The following AMER1 variants were observed in gnomAD, a reference collection of about 807,000 sequenced individuals.
The protein encoded by AMER1 is RP11-403E24.2.
AMER1 carries 16 observed loss-of-function variants against 53.0 expected under a neutral mutation model. That is an observed-to-expected ratio of 0.30 (90% confidence interval 0.20 to 0.46). AMER1 has a LOEUF of 0.46. AMER1 is among the 20% of genes least tolerant of loss of function. The pLI, the probability that AMER1 is intolerant of heterozygous loss-of-function variation, is 1.00. For synonymous variants in AMER1, 354 were observed against 331.9 expected (o/e 1.07, Z -0.73); for missense variants, 947 against 884.9 (o/e 1.07, Z -0.89).
chrX:64,195,209 C>T (rs1238410690), intron 1 of AMER1, among the ~76,000 whole-genome samples: 3 of 111,836 alleles, frequency 2.7e-5, no homozygotes, highest in Non-Finnish European at 3.8e-5. Flanking sequence ...CAGTTTTCTG[C>T]CCCTGGGTCT....
rs769608759 is a variant in AMER1 at position 64,191,947 on chromosome X, C to T, written c.1340G>A (p.Gly447Asp). 12 of 1,209,822 alleles carry T rather than the reference C, an allele frequency of 9.9e-6. No homozygotes were observed. The South Asian group carries it at 1.9e-4, about 20-fold the overall frequency. ...AGTCAAAAGTTCCCCAGGGGCTAGGCCAGGATAAGACCTAACTGGGTCAAG... is the reference window on the plus strand; with the variant it reads ...AGTCAAAAGTTCCCCAGGGGCTAGGTCAGGATAAGACCTAACTGGGTCAAG... ...MLLDPVRSYPGLAPGELLTPQ... is the reference protein window; with the variant it reads ...MLLDPVRSYPDLAPGELLTPQ... Residue 447 changes from glycine to aspartate, a missense_variant, in exon 2 of 2, where the codon GGC (glycine) becomes GAC (aspartate). By Grantham distance (94) the Gly-to-Asp change is moderately conservative (BLOSUM62 -1). Transcript: ENST00000374869.
rs973480721 is a variant in AMER1, at chrX:64,188,918, G to A, written c.*961C>T. 1.2e-6 allele frequency: 1 copy of A among 807,031 alleles called. No individual in the cohort carries two copies. Among genetic ancestry groups the A allele is most frequent in the East Asian group, 6.9e-5 (1 of 14,401 alleles). The allele number at this position is 807,031 out of a possible 1,213,427, so 66.5% of individuals were successfully genotyped here. The stretch of plus-strand genomic sequence containing the variant: ...TGAAAATTTCCTTTAGAGGAAAAAA[G>A]AACAAAAATTCAAAAGCATCTGCAA... On this transcript the variant is annotated 3_prime_UTR_variant, in exon 2 of 2. Transcript: ENST00000374869.
chrX:64,187,551 T>C lies in AMER1; in HGVS notation c.*2328A>G. 1 of 778,641 alleles carries C rather than the reference T, an allele frequency of 1.3e-6. No homozygotes were observed. Among genetic ancestry groups the C allele is most frequent in the Non-Finnish European group, 1.5e-6 (1 of 653,332 alleles). 64.2% of individuals were successfully genotyped at this position (778,641 alleles called of 1,213,427 possible). Reference sequence around the variant, plus strand: ...AAAGGTTGGCCACCTCCTTTTTCTCTTCCCAGATAGGCTGGTGGCCCTTCT... The same window carrying C: ...AAAGGTTGGCCACCTCCTTTTTCTCCTCCCAGATAGGCTGGTGGCCCTTCT... On this transcript the variant is annotated 3_prime_UTR_variant, in exon 2 of 2. Transcript: ENST00000374869.
At position 64,186,371 on chromosome X, in the gene AMER1, A is replaced by ACAT. The variant is rs1222429922; in HGVS notation, c.*3505_*3507dup. On this transcript the variant is annotated 3_prime_UTR_variant, in exon 2 of 2. Coordinates refer to ENST00000374869, the MANE Select transcript of AMER1 (RefSeq NM_152424.4). The stretch of plus-strand genomic sequence containing the variant: ...TAAATCAGAAAAGAACAATTGATAA[A>ACAT]CATTGTTTTCCATGAATATAAAATG... 4 of 905,800 alleles carry ACAT rather than the reference A, an allele frequency of 4.4e-6. No individual in the cohort carries two copies. Among genetic ancestry groups the ACAT allele is most frequent in the Non-Finnish European group, 5.5e-6 (4 of 727,954 alleles). 74.6% of individuals were successfully genotyped at this position (905,800 alleles called of 1,213,427 possible).
At position 64,189,538 on chromosome X, in the gene AMER1, A is replaced by AT. The variant is rs10628043; in HGVS notation, c.*340dup. On this transcript the variant is annotated 3_prime_UTR_variant, in exon 2 of 2. Coordinates refer to ENST00000374869, the MANE Select transcript of AMER1 (RefSeq NM_152424.4). ...TGTATATATATATATATATATATATATATATATATATATATATATAATCAC... is the reference window on the plus strand; with the variant it reads ...TGTATATATATATATATATATATATATTATATATATATATATATATAATCAC... 3,035 of 111,334 alleles carry AT rather than the reference A, an allele frequency of 0.027. 270 individuals are homozygous for AT. Among genetic ancestry groups the AT allele is most frequent in the African/African-American group, 0.22 (2,721 of 12,632 alleles). 9.2% of individuals were successfully genotyped at this position (111,334 alleles called of 1,213,427 possible).
rs1930097644 is a variant in AMER1, at chrX:64,186,005, A to G, written c.*3874T>C. On this transcript the variant is annotated 3_prime_UTR_variant, in exon 2 of 2. Coordinates refer to ENST00000374869, the MANE Select transcript of AMER1 (RefSeq NM_152424.4). Reference sequence around the variant, plus strand: ...TGATTTCAAAACTAAAGCACAAAACATAACGAGGAAAAAAAATAAGACACA... The same window carrying G: ...TGATTTCAAAACTAAAGCACAAAACGTAACGAGGAAAAAAAATAAGACACA... 5.8e-6 allele frequency: 4 copies of G among 694,930 alleles called. No individual in the cohort carries two copies. The highest frequency in any genetic ancestry group is 6.6e-5 in the Admixed American group (2 of 30,106). The allele number at this position is 694,930 out of a possible 1,213,427, so 57.3% of individuals were successfully genotyped here.
chrX:64,189,512 G>GTGTGTGTGTGTA lies in AMER1; in HGVS notation c.*366_*367insTACACACACACA, dbSNP rs1930185025. The GTGTGTGTGTGTA allele has an allele frequency of 1.2e-5, 1 of 86,442 alleles. No individual in the cohort carries two copies. Among genetic ancestry groups the GTGTGTGTGTGTA allele is most frequent in the African/African-American group, 1.5e-4 (1 of 6,588 alleles). The allele number at this position is 86,442 out of a possible 1,213,427, so 7.1% of individuals were successfully genotyped here. A position where few individuals can be genotyped will look rare whatever the true frequency, so the allele number is the denominator to read the frequency against. On this transcript the variant is annotated 3_prime_UTR_variant, in exon 2 of 2. Transcript: ENST00000374869. ...TGTGTGTGTGTGTGTGTGTGTGTGT[G>GTGTGTGTGTGTA]TGTATATATATATATATATATATAT...
rs778363299 is a variant in AMER1, at chrX:64,190,721, T to C, written c.2566A>G (p.Ser856Gly). The change falls in exon 2 of 2, where the codon AGT becomes GGT. Residue 856 changes from serine to glycine, a missense_variant. By Grantham distance (56) the Ser-to-Gly change is moderately conservative. Coordinates refer to ENST00000374869, the MANE Select transcript of AMER1 (RefSeq NM_152424.4). ...CAGGGCAGGCCTTGGTAGAATCGAC[T>C]ATGGTAGTTGTTGAAGGCATGTTTG... ...YHKHAFNNYH[S>G]RFYQGLPWGV... 1 of 1,207,818 alleles carries C rather than the reference T, an allele frequency of 8.3e-7. No individual in the cohort carries two copies. The highest frequency in any genetic ancestry group is 1.8e-5 in the South Asian group (1 of 56,145).
At chrX:64,200,404 T>G (rs888253062) in intron 1 of AMER1, among the ~76,000 whole-genome samples, 1 of 112,023 alleles carries the variant, frequency 8.9e-6, no homozygotes, top group African/African-American at 3.3e-5. Flanking sequence ...ATGCCCTGTG[T>G]GAGAAACCAA....
In AMER1 at chrX:64,186,055, A is replaced by G; in HGVS notation, c.*3824T>C. The G allele has an allele frequency of 9.4e-7, 1 of 1,061,439 alleles. No homozygotes were observed. Among genetic ancestry groups the G allele is most frequent in the East Asian group, 3.1e-5 (1 of 32,686 alleles). 87.5% of individuals were successfully genotyped at this position (1,061,439 alleles called of 1,213,427 possible). A position where few individuals can be genotyped will look rare whatever the true frequency, so the allele number is the denominator to read the frequency against. Reference sequence around the variant, plus strand: ...ATGAGTACTCTCAGAGGGTCTAGACATGGGGAAGAAGGGTTCAAAAGAAAG... The same window carrying G: ...ATGAGTACTCTCAGAGGGTCTAGACGTGGGGAAGAAGGGTTCAAAAGAAAG... On this transcript the variant is annotated 3_prime_UTR_variant, in exon 2 of 2. Transcript: ENST00000374869.
At chrX:64,197,557 G>A (rs1904644661) in intron 1 of AMER1, among the ~76,000 whole-genome samples, 1 of 112,990 alleles carries the variant, frequency 8.9e-6, no homozygotes, top group African/African-American at 3.2e-5. Flanking sequence ...CTGAATTGGG[G>A]GAAGAAAAAG....
rs1205241247 is a variant in AMER1, at chrX:64,189,514, G to GTGTGTGTGTGTGTATA, written c.*364_*365insTATACACACACACACA. ...TGTGTGTGTGTGTGTGTGTGTGTGT[G>GTGTGTGTGTGTGTATA]TATATATATATATATATATATATAT... On this transcript the variant is annotated 3_prime_UTR_variant, in exon 2 of 2. Coordinates refer to ENST00000374869, the MANE Select transcript of AMER1 (RefSeq NM_152424.4). 2 of 28,064 alleles carry GTGTGTGTGTGTGTATA rather than the reference G, an allele frequency of 7.1e-5. No individual in the cohort carries two copies. The highest frequency in any genetic ancestry group is 3.4e-4 in the African/African-American group (2 of 5,953). 2.3% of individuals were successfully genotyped at this position (28,064 alleles called of 1,213,427 possible). A position where few individuals can be genotyped will look rare whatever the true frequency, so the allele number is the denominator to read the frequency against.
chrX:64,197,142 G>A (rs1930389019), intron 1 of AMER1, among the ~76,000 whole-genome samples: 1 of 112,717 alleles, frequency 8.9e-6, no homozygotes, highest in Non-Finnish European at 1.9e-5. Flanking sequence ...TCAAGAAAGT[G>A]GCACTGCCAA....
At position 64,190,444 on chromosome X, in the gene AMER1, A is replaced by G; in HGVS notation, c.2843T>C (p.Leu948Pro). The change falls in exon 2 of 2, where the codon CTC (leucine) becomes CCC (proline). Residue 948 changes from leucine (L) to proline (P), a missense_variant. By Grantham distance (98) the Leu-to-Pro change is moderately conservative. Transcript: ENST00000374869. ...ATAGGCCCCTGGGGGTTCAGTATAG[A>G]GGGAAAGGGGACTGTCTCGGCTCCA... Reference protein sequence around the residue: ...GEWSRDSPLSLYTEPPGAYDW... With the variant: ...GEWSRDSPLSPYTEPPGAYDW... 8.3e-7 allele frequency: 1 copy of G among 1,211,728 alleles called. No homozygotes were observed. Among genetic ancestry groups the G allele is most frequent in the Non-Finnish European group, 1.1e-6 (1 of 895,469 alleles).
chrX:64,188,058 T>C lies in AMER1; in HGVS notation c.*1821A>G, dbSNP rs1930142988. On this transcript the variant is annotated 3_prime_UTR_variant, in exon 2 of 2. Transcript: ENST00000374869. ...GGGCCAACCCCAATCTGAGAAATGG[T>C]GACAAAGACCAGCATGGACACATCC... The C allele has an allele frequency of 1.3e-6, 1 of 781,531 alleles. No individual in the cohort carries two copies. Among genetic ancestry groups the C allele is most frequent in the African/African-American group, 2.3e-5 (1 of 44,113 alleles). 64.4% of individuals were successfully genotyped at this position (781,531 alleles called of 1,213,427 possible). A position where few individuals can be genotyped will look rare whatever the true frequency, so the allele number is the denominator to read the frequency against.
chrX:64,196,720 C>T (rs183987645), intron 1 of AMER1, among the ~76,000 whole-genome samples: 2 of 112,069 alleles, frequency 1.8e-5, no homozygotes, highest in Admixed American at 9.4e-5. Context: ...AGTTTCTCTC[C>T]GTCCAGTTCA....
chrX:64,189,793 A>ACCGC lies in AMER1; in HGVS notation c.*85_*86insGCGG. 1 of 292,065 alleles carries ACCGC rather than the reference A, an allele frequency of 3.4e-6. No individual in the cohort carries two copies. The highest frequency in any genetic ancestry group is 4.9e-6 in the Non-Finnish European group (1 of 204,823). 24.1% of individuals were successfully genotyped at this position (292,065 alleles called of 1,213,427 possible). ...CAAAGGGTTTTCAAGTTAAACAACA[A>ACCGC]CCCCCACCCCCCCACCCTTCTGCCC... On this transcript the variant is annotated 3_prime_UTR_variant, in exon 2 of 2. Coordinates refer to ENST00000374869, the MANE Select transcript of AMER1 (RefSeq NM_152424.4).
At chrX:64,197,872 G>T (rs913802834) in intron 1 of AMER1, among the ~76,000 whole-genome samples, 10 of 112,751 alleles carry the variant, frequency 8.9e-5, no homozygotes, top group Non-Finnish European at 1.7e-4. Flanking sequence ...TAAGGCTATT[G>T]TAAGAAGTAA....
intron 1 of AMER1, among the ~76,000 whole-genome samples, chrX:64,198,240 G>A (rs1930417238): frequency 1.8e-5 from 2 of 112,177 alleles, no homozygotes; most frequent in African/African-American, 6.5e-5. Flanking sequence ...AGGTTCTCTA[G>A]CCCAGGTCAA....
Sources: allele counts gnomAD v4.1 joint callset (sites outside exome capture counted in the v4.1 genomes callset), GRCh38; gene constraint gnomAD v4.1.1; transcripts MANE v1.5; gene names NCBI Gene and HGNC (gene_info 2026-07-23, HGNC 2026-07-21).